NMT2: variants seen among roughly 807,000 people sequenced by gnomAD.
NMT2 encodes N-myristoyltransferase 2, also known as glycylpeptide N-tetradecanoyltransferase 2.
NMT2 carries 35 observed loss-of-function variants against 65.4 expected under a neutral mutation model. The ratio of observed to expected loss-of-function variants is 0.54; its 90% CI spans 0.41 to 0.71. The LOEUF is 0.71. Among genes scored for constraint, NMT2 ranks in the 30% least tolerant of loss-of-function variants. NMT2 has a pLI of 0.00. For synonymous variants in NMT2, 226 were observed against 231.8 expected, an observed-to-expected ratio of 0.98 and a Z score of 0.23; for missense variants, 489 against 611.3, an observed-to-expected ratio of 0.80 and a Z score of 2.11.
chr10:15,131,221 C>A (rs775115181), intron 6 of NMT2, among the ~76,000 whole-genome samples: 1 of 152,158 alleles, frequency 6.6e-6, no homozygotes, highest in African/African-American at 2.4e-5. Context: ...GAGGCTCCAA[C>A]CCTCTTGTTC....
At chr10:15,165,109 G>A (rs7910548) in intron 1 of NMT2, among the ~76,000 whole-genome samples, 27,188 of 150,362 alleles carry the variant, frequency 0.18, 3,077 homozygotes, top group African/African-American at 0.32. Context: ...GTTGCAGTGC[G>A]CCAAGATCGT....
At chr10:15,163,865 T>G (rs1016069606) in intron 1 of NMT2, among the ~76,000 whole-genome samples, 1 of 152,314 alleles carries the variant, frequency 6.6e-6, no homozygotes, top group Admixed American at 6.5e-5. Flanking sequence ...ATCTTCAATC[T>G]TTCTAAGAAA....
chr10:15,141,041 A>G (rs1057334679), intron 2 of NMT2: 1 of 1,550,214 alleles, frequency 6.5e-7, no homozygotes. Flanking sequence ...TATTCAGGTA[A>G]TTAGACAGAC....
chr10:15,120,106 A>G (rs79802114), intron 8 of NMT2, among the ~76,000 whole-genome samples: 5,528 of 152,302 alleles, frequency 0.036, 183 homozygotes, highest in African/African-American at 0.081. Flanking sequence ...CAGTGTAACA[A>G]CTACTTACAT....
In NMT2 at chr10:15,109,118, C is replaced by T. The variant is rs986947264; in HGVS notation, c.*77G>A. On this transcript the variant is annotated 3_prime_UTR_variant, in exon 12 of 12. Coordinates refer to ENST00000378165, the MANE Select transcript of NMT2 (RefSeq NM_004808.3). Reference sequence around the variant, plus strand: ...TCACTTGAGTTGTGCTTTTATTCTTCTTTGGAATGGCAGTTCCAGAAATCA... The same window carrying T: ...TCACTTGAGTTGTGCTTTTATTCTTTTTTGGAATGGCAGTTCCAGAAATCA... The T allele has an allele frequency of 1.3e-6, 2 of 1,574,608 alleles. No homozygotes were observed. The highest frequency in any genetic ancestry group is 1.7e-6 in the Non-Finnish European group (2 of 1,167,210).
intron 8 of NMT2, among the ~76,000 whole-genome samples, chr10:15,125,649 T>TGTAC (rs1286358131): frequency 6.6e-6 from 1 of 152,162 alleles, no homozygotes; most frequent in Admixed American, 6.6e-5. Context: ...TATGTATGTA[T>TGTAC]GTACGTATGT....
intron 2 of NMT2, chr10:15,138,489 G>A (rs779747418): frequency 1.1e-5 from 5 of 470,848 alleles, no homozygotes; most frequent in Middle Eastern, 3.2e-4. Flanking sequence ...ATATCTACCC[G>A]ACATTAACTT....
At chr10:15,147,257 ATT>A (rs1846999086) in intron 1 of NMT2, among the ~76,000 whole-genome samples, 2 of 152,100 alleles carry the variant, frequency 1.3e-5, no homozygotes, top group Admixed American at 1.3e-4. Context: ...TACAAGAAAC[ATT>A]AGTGGTTTGA....
intron 1 of NMT2, among the ~76,000 whole-genome samples, chr10:15,161,226 T>C (rs1252159426): frequency 1.3e-5 from 2 of 152,018 alleles, no homozygotes; most frequent in East Asian, 3.9e-4. Flanking sequence ...CTATGTATTA[T>C]GTGGGAGGGG....
intron 10 of NMT2, among the ~76,000 whole-genome samples, chr10:15,110,750 T>C (rs1339112573): frequency 2.0e-5 from 3 of 152,188 alleles, no homozygotes; most frequent in African/African-American, 4.8e-5. Context: ...TAAAATTACT[T>C]ATGAAGATTT....
rs1417524965 is a variant in NMT2 at position 15,141,495 on chromosome 10, T to A, written c.173A>T (p.Lys58Ile). 6.2e-7 allele frequency: 1 copy of A among 1,614,244 alleles called. No homozygotes were observed. The highest frequency in any genetic ancestry group is 1.7e-5 in the Admixed American group (1 of 60,028). Reference protein sequence around the residue: ...KKKKQKRKKEKPNSGGTKSDS... With the variant: ...KKKKQKRKKEIPNSGGTKSDS... The stretch of plus-strand genomic sequence containing the variant: ...TGACTTGGTGCCTCCGGAATTTGGT[T>A]TCTCCTTTTTTCTCTTCTGTTTCTT... Residue 58 changes from lysine to isoleucine, a missense_variant, in exon 2 of 12, where the codon AAA becomes ATA. Transcript: ENST00000378165.
At chr10:15,105,706 A>G (rs1201382422), downstream of NMT2, among the ~76,000 whole-genome samples, 1 of 152,254 alleles carries the variant, frequency 6.6e-6, no homozygotes, top group Non-Finnish European at 1.5e-5. Context: ...CTTATTGAAT[A>G]GAACATTTTC....
intron 10 of NMT2, among the ~76,000 whole-genome samples, chr10:15,110,083 C>G (rs1364142357): frequency 2.0e-5 from 3 of 151,592 alleles, no homozygotes; most frequent in African/African-American, 7.3e-5. Context: ...ACCAGCCTGA[C>G]CAACATGGCG....
At chr10:15,116,377 G>A (rs865975037) in intron 9 of NMT2, among the ~76,000 whole-genome samples, 1 of 152,102 alleles carries the variant, frequency 6.6e-6, no homozygotes, top group African/African-American at 2.4e-5. Flanking sequence ...ACATAGACGT[G>A]AATGACAACG....
chr10:15,139,295 T>G (rs1328148214), intron 2 of NMT2, among the ~76,000 whole-genome samples: 1 of 147,404 alleles, frequency 6.8e-6, no homozygotes, highest in Admixed American at 6.7e-5. Context: ...TATCTATCTA[T>G]CCATCCATCC....
chr10:15,157,911 C>T (rs1055406071), intron 1 of NMT2, among the ~76,000 whole-genome samples: 1 of 152,168 alleles, frequency 6.6e-6, no homozygotes, highest in African/African-American at 2.4e-5. Flanking sequence ...AACAGATTTA[C>T]AGTCAGATAG....
chr10:15,167,840 G>A (rs1235590695), intron 1 of NMT2, among the ~76,000 whole-genome samples: 1 of 152,230 alleles, frequency 6.6e-6, no homozygotes, highest in Non-Finnish European at 1.5e-5. Flanking sequence ...CAGGTCAGCG[G>A]GAGCCCGGTT....
chr10:15,150,741 T>C (rs542422550), intron 1 of NMT2, among the ~76,000 whole-genome samples: 99 of 152,266 alleles, frequency 6.5e-4, no homozygotes, highest in African/African-American at 2.1e-3. Flanking sequence ...GCTACAGCTT[T>C]GGACAAAGGT....
At position 15,108,212 on chromosome 10, in the gene NMT2, G is replaced by C. The variant is rs1845375698; in HGVS notation, c.*983C>G. On this transcript the variant is annotated 3_prime_UTR_variant, in exon 12 of 12. Transcript: ENST00000378165. ...TCTTTTTTTTTTTTTTTGAGACGGA[G>C]TCTCACGCTCTGTCACCCAGGCTGG... 2.5e-5 allele frequency: 24 copies of C among 973,206 alleles called. No individual in the cohort carries two copies. The South Asian group carries it at 9.5e-4, about 39-fold the overall frequency. 60.3% of individuals were successfully genotyped at this position (973,206 alleles called of 1,614,324 possible).
Sources: allele counts gnomAD v4.1 joint callset (sites outside exome capture counted in the v4.1 genomes callset), GRCh38; gene constraint gnomAD v4.1.1; transcripts MANE v1.5; gene names NCBI Gene and HGNC (gene_info 2026-07-23, HGNC 2026-07-21).